Variants in AP3B1 observed in about 807,000 individuals in gnomAD.
The protein encoded by AP3B1 is adaptor related protein complex 3 subunit beta 1.
Under a neutral mutation model 132.5 loss-of-function variants are expected in AP3B1, and 61 were observed. That is an observed-to-expected ratio of 0.46 (90% confidence interval 0.37 to 0.57). AP3B1 has a LOEUF of 0.57. Among genes scored for constraint, AP3B1 ranks in the 20% least tolerant of loss-of-function variants. The pLI is 0.00. For synonymous variants in AP3B1, 388 were observed against 438.3 expected, an observed-to-expected ratio of 0.89 and a Z score of 1.43; for missense variants, 1,120 against 1,289.4, an observed-to-expected ratio of 0.87 and a Z score of 2.01.
intron 14 of AP3B1, among the ~76,000 whole-genome samples, chr5:78,151,351 C>A (rs934777148): frequency 2.6e-5 from 4 of 152,148 alleles, no homozygotes; most frequent in East Asian, 1.9e-4. Context: ...AATGTGGATG[C>A]CTTTATAACT....
At chr5:78,268,111 A>G (rs926435902) in intron 1 of AP3B1, among the ~76,000 whole-genome samples, 6 of 152,198 alleles carry the variant, frequency 3.9e-5, no homozygotes, top group African/African-American at 1.4e-4. Context: ...AAATATTTAA[A>G]CAGTAGAGGT....
At chr5:78,266,107 A>AT (rs34560012) in intron 2 of AP3B1, among the ~76,000 whole-genome samples, 36,259 of 152,042 alleles carry the variant, frequency 0.24, 5,149 homozygotes, top group Non-Finnish European at 0.32. Context: ...TGTAATTTAC[A>AT]AGTTATTTGT....
intron 21 of AP3B1, among the ~76,000 whole-genome samples, chr5:78,094,638 C>T (rs754819493): frequency 5.3e-5 from 8 of 151,824 alleles, no homozygotes; most frequent in African/African-American, 1.2e-4. Context: ...GCCTAGTATA[C>T]CCTCCCCTCA....
intron 22 of AP3B1, among the ~76,000 whole-genome samples, chr5:78,070,704 A>G (rs1272791427): frequency 6.6e-6 from 1 of 151,932 alleles, no homozygotes. Flanking sequence ...GAAATTAAAC[A>G]AATTAACAAG....
chr5:78,226,432 C>T (rs753792791), intron 5 of AP3B1, among the ~76,000 whole-genome samples: 35 of 152,084 alleles, frequency 2.3e-4, no homozygotes, highest in Non-Finnish European at 4.3e-4. Context: ...TATTTCACTA[C>T]CAATCCCATC....
intron 7 of AP3B1, among the ~76,000 whole-genome samples, chr5:78,194,682 G>A (rs1343849209): frequency 1.3e-5 from 2 of 152,114 alleles, no homozygotes; most frequent in African/African-American, 4.8e-5. Context: ...ATAAATGAGG[G>A]AGAAATGACA....
At chr5:78,166,157 ACACACACACACACAC>A (rs1743619191) in intron 11 of AP3B1, among the ~76,000 whole-genome samples, 2 of 147,516 alleles carry the variant, frequency 1.4e-5, no homozygotes, top group Admixed American at 6.7e-5. Flanking sequence ...ACACACACAC[ACACACACACACACAC>A]AAATCATATT....
chr5:78,199,187 A>C (rs989683127), intron 7 of AP3B1, among the ~76,000 whole-genome samples: 1 of 152,238 alleles, frequency 6.6e-6, no homozygotes, highest in Non-Finnish European at 1.5e-5. Context: ...CCCACAACAC[A>C]TCTCATTTCT....
In AP3B1 at chr5:78,292,972, G is replaced by A. The variant is rs564728919; in HGVS notation, c.128+1480C>T. ...CGGCTCACTGCAGCTTCCGCCTCCC[G>A]GGTTCAAGCGATTCTCCTGCCTCAG... On this transcript the variant is annotated intron_variant, in intron 1 of 26. Coordinates refer to ENST00000255194, the MANE Select transcript of AP3B1 (RefSeq NM_003664.5). Among the ~76,000 whole-genome samples the A allele has an allele frequency of 5.3e-5, 8 of 152,050 alleles. No homozygotes were observed. In the East Asian group the frequency reaches 1.4e-3, roughly 26 times the overall value.
chr5:78,258,568 G>A (rs1392760162), intron 2 of AP3B1, among the ~76,000 whole-genome samples: 1 of 152,088 alleles, frequency 6.6e-6, no homozygotes, highest in Non-Finnish European at 1.5e-5. Context: ...TGGAGAAAAG[G>A]GAACCCCTGC....
intron 24 of AP3B1, among the ~76,000 whole-genome samples, chr5:78,022,686 G>A (rs1186788235): frequency 6.6e-6 from 1 of 152,126 alleles, no homozygotes; most frequent in Non-Finnish European, 1.5e-5. Context: ...GGCATAGGAA[G>A]GTAAATGGTC....
intron 2 of AP3B1, among the ~76,000 whole-genome samples, chr5:78,248,180 CTG>C (rs1261461000): frequency 6.6e-6 from 1 of 152,092 alleles, no homozygotes; most frequent in Non-Finnish European, 1.5e-5. Context: ...ACAGTTAACA[CTG>C]TACCAGATCA....
At chr5:78,244,149 T>G (rs780038442) in intron 2 of AP3B1, among the ~76,000 whole-genome samples, 30 of 152,178 alleles carry the variant, frequency 2.0e-4, no homozygotes, top group Non-Finnish European at 2.9e-5. Flanking sequence ...ATCCCGGCAC[T>G]TTGGGAGGCC....
chr5:78,054,625 T>G (rs252791), intron 22 of AP3B1, among the ~76,000 whole-genome samples: 40,690 of 151,992 alleles, frequency 0.27, 6,066 homozygotes, highest in Admixed American at 0.4. Context: ...CCTTACAAAA[T>G]TGTATGAGGG....
At chr5:78,013,148 G>C (rs895146033) in intron 26 of AP3B1, among the ~76,000 whole-genome samples, 1 of 151,956 alleles carries the variant, frequency 6.6e-6, no homozygotes, top group South Asian at 2.1e-4. Context: ...GGGCTCAGGC[G>C]ATCCTCCTAC....
At chr5:78,172,353 G>C (rs1743953715) in intron 11 of AP3B1, among the ~76,000 whole-genome samples, 1 of 152,198 alleles carries the variant, frequency 6.6e-6, no homozygotes, top group African/African-American at 2.4e-5. Flanking sequence ...GAATTCGGCA[G>C]TGAATCCGTC....
chr5:78,009,780 G>T (rs1200519669), intron 26 of AP3B1, among the ~76,000 whole-genome samples: 2 of 150,626 alleles, frequency 1.3e-5, no homozygotes, highest in African/African-American at 4.9e-5. Flanking sequence ...ATACGGGGGG[G>T]TGGGGGAGGG....
At chr5:78,162,138 T>G (rs570831161) in intron 13 of AP3B1, among the ~76,000 whole-genome samples, 13 of 152,098 alleles carry the variant, frequency 8.5e-5, no homozygotes, top group Non-Finnish European at 1.9e-4. Flanking sequence ...ATTTTAAAGG[T>G]AAAGTTGGCT....
chr5:78,092,121 A>C (rs1399303064), intron 21 of AP3B1, among the ~76,000 whole-genome samples: 2 of 152,192 alleles, frequency 1.3e-5, no homozygotes, highest in Non-Finnish European at 2.9e-5. Context: ...TCCTTTGTAC[A>C]TCTATCTACC....
Sources: gnomAD v4.1 joint callset for allele counts (sites outside exome capture counted in the v4.1 genomes callset) on GRCh38, gnomAD v4.1.1 for gene constraint, MANE v1.5 for transcripts, NCBI Gene and HGNC (gene_info 2026-07-23, HGNC 2026-07-21) for gene names.